The following C6orf136 variants were observed in gnomAD, a reference collection of about 807,000 sequenced individuals.
C6orf136 encodes the protein uncharacterized protein C6orf136.
Under a neutral mutation model 44.0 loss-of-function variants are expected in C6orf136, and 29 were observed. The observed-to-expected ratio is 0.66, with a 90% CI of 0.49 to 0.90. The LOEUF (loss-of-function observed/expected upper bound fraction) is 0.90, where lower values mean the gene tolerates loss of function less well. Ranked by LOEUF, C6orf136 falls within the 40% of genes least tolerant of loss-of-function variation. The pLI is 0.00. For synonymous variants in C6orf136, 293 were observed against 278.6 expected (o/e 1.05, Z -0.52); for missense variants, 628 against 669.3 (o/e 0.94, Z 0.68).
Position 30,647,347 on chromosome 6 carries a change from G to A in C6orf136, c.116G>A (p.Arg39Lys), listed in dbSNP as rs2127564553. The A allele has an allele frequency of 1.3e-6, 2 of 1,553,468 alleles. No individual in the cohort carries two copies. The highest frequency in any genetic ancestry group is 2.4e-5 in the East Asian group (1 of 42,526). The part of the protein sequence containing the change: ...EEGGRRGGGE[R>K]PSSKPVRGAE... ...GGAGGGAGGAGAGGGGGCGGGGAGA[G>A]ACCCTCCTCAAAGCCGGTGCGTGGG... The change falls in exon 1 of 6, where the codon AGA becomes AAA. Residue 39 changes from arginine to lysine, a missense_variant. By Grantham distance (26) the Arg-to-Lys change is conservative. Around this residue, in one of 2 missense-constraint regions of C6orf136, gnomAD observed 497 missense variants for 469.2 expected, o/e 1.06. Transcript: ENST00000651131. The surrounding 1 kb of genome is among the most constrained non-coding windows in gnomAD (Gnocchi z 4.8).
rs1166453138 is a variant in C6orf136, at chr6:30,649,941, TGA to T, written c.1004_1005del (p.Arg335ThrfsTer27). 1 of 1,613,290 alleles carries T rather than the reference TGA, an allele frequency of 6.2e-7. No homozygotes were observed. Among genetic ancestry groups the T allele is most frequent in the African/African-American group, 1.3e-5 (1 of 74,892 alleles). On this transcript the variant is annotated frameshift_variant, in exon 2 of 6. Coordinates refer to ENST00000651131, the MANE Select transcript of C6orf136 (RefSeq NM_001161376.2). LOFTEE classifies it high-confidence loss of function. ...SMEEHLSVMY[E>X]RLRQELPKLF... is the part of the protein sequence containing the mutation. ...TGGAGGAACATCTGTCTGTCATGTA[TGA>T]GAGACTGAGACAAGAGGTAAGTCAG... is the stretch of plus-strand genomic sequence containing the variant.
Position 30,647,292 on chromosome 6 carries a change from G to C in C6orf136, c.61G>C (p.Ala21Pro), listed in dbSNP as rs746283081. ...RLGPCLRAYQ[A>P]RPQVSGGEEG... ...CGGCCCTTGCCTGCGCGCCTACCAG[G>C]CTCGACCCCAGGTGAGCGGAGGAGA... is the stretch of plus-strand genomic sequence containing the variant. Residue 21 changes from alanine (A) to proline (P), a missense_variant, in exon 1 of 6, where the codon GCT (alanine) becomes CCT (proline). Coordinates refer to ENST00000651131, the MANE Select transcript of C6orf136 (RefSeq NM_001161376.2). The surrounding 1 kb of genome is among the most constrained non-coding windows in gnomAD (Gnocchi z 4.8). The C allele has an allele frequency of 1.2e-6, 2 of 1,600,540 alleles. No individual in the cohort carries two copies. The highest frequency in any genetic ancestry group is 3.4e-5 in the Admixed American group (2 of 58,548).
Position 30,647,915 on chromosome 6 carries a change from G to C in C6orf136, c.615+69G>C, listed in dbSNP as rs996518292. On this transcript the variant is annotated intron_variant, in intron 1 of 5. Transcript: ENST00000651131. This position sits in a 1 kb window ranked among gnomAD's most constrained non-coding sequence, Gnocchi z 4.8. ...CCTGGGGGGTTCCTTGGGAGCGGAGGGACTCGGGTGAGGCCTAACTTTGGG... is the reference window on the plus strand; with the variant it reads ...CCTGGGGGGTTCCTTGGGAGCGGAGCGACTCGGGTGAGGCCTAACTTTGGG... The C allele has an allele frequency of 5.6e-6, 8 of 1,423,816 alleles. No homozygotes were observed. Among genetic ancestry groups the C allele is most frequent in the African/African-American group, 2.9e-5 (2 of 68,312 alleles). The allele number at this position is 1,423,816 out of a possible 1,614,324, so 88.2% of individuals were successfully genotyped here. A position where few individuals can be genotyped will look rare whatever the true frequency, so the allele number is the denominator to read the frequency against.
rs746283081 is a variant in C6orf136 at position 30,647,292 on chromosome 6, G to A, written c.61G>A (p.Ala21Thr). ...CGGCCCTTGCCTGCGCGCCTACCAG[G>A]CTCGACCCCAGGTGAGCGGAGGAGA... Reference protein sequence around the residue: ...RLGPCLRAYQARPQVSGGEEG... With the variant: ...RLGPCLRAYQTRPQVSGGEEG... Residue 21 changes from alanine to threonine, a missense_variant, in exon 1 of 6, where the codon GCT (alanine) becomes ACT (threonine). Ala to Thr is a moderately conservative substitution (Grantham distance 58). Coordinates refer to ENST00000651131, the MANE Select transcript of C6orf136 (RefSeq NM_001161376.2). The surrounding 1 kb of genome is among the most constrained non-coding windows in gnomAD (Gnocchi z 4.8). 3 of 1,600,540 alleles carry A rather than the reference G, an allele frequency of 1.9e-6. No individual in the cohort carries two copies. The highest frequency in any genetic ancestry group is 2.3e-5 in the East Asian group (1 of 43,134).
At chr6:30,652,411 A>G (rs1767518507) in intron 4 of C6orf136, among the ~76,000 whole-genome samples, 1 of 152,206 alleles carries the variant, frequency 6.6e-6, no homozygotes, top group African/African-American at 2.4e-5. Flanking sequence ...AAGTTTTTAA[A>G]CCAGCAGTTC....
Position 30,647,739 on chromosome 6 carries a change from C to T in C6orf136, c.508C>T (p.Gln170Ter). The change falls in exon 1 of 6, where the codon CAG (glutamine) becomes TAG (stop). Residue 170 changes from glutamine (Q) to a stop codon, truncating the protein, a stop_gained. Coordinates refer to ENST00000651131, the MANE Select transcript of C6orf136 (RefSeq NM_001161376.2). LOFTEE classifies it high-confidence loss of function. The surrounding 1 kb of genome is among the most constrained non-coding windows in gnomAD (Gnocchi z 4.8). ...TCTTGCACTCGGAGAGCGGTCCTGGCAGGAAGGCCGGCCAGTGTGCACCCG... is the reference window on the plus strand; with the variant it reads ...TCTTGCACTCGGAGAGCGGTCCTGGTAGGAAGGCCGGCCAGTGTGCACCCG... ...ARLALGERSW[Q>*]EGRPVCTRFG... is the part of the protein sequence containing the mutation. 6.5e-7 allele frequency: 1 copy of T among 1,549,460 alleles called. No individual in the cohort carries two copies. Among genetic ancestry groups the T allele is most frequent in the Non-Finnish European group, 8.7e-7 (1 of 1,146,668 alleles).
Position 30,649,547 on chromosome 6 carries a change from T to C in C6orf136, c.616-11T>C. 1 of 1,573,984 alleles carries C rather than the reference T, an allele frequency of 6.4e-7. No homozygotes were observed. The highest frequency in any genetic ancestry group is 8.5e-7 in the Non-Finnish European group (1 of 1,169,740). The stretch of plus-strand genomic sequence containing the variant: ...ATTCTTATCTTTCTCCCTTCTGTTC[T>C]TTCTCCTTAGGACCAGCTTTATCCA... On this transcript the variant is annotated splice_polypyrimidine_tract_variant and intron_variant, in intron 1 of 5. Transcript: ENST00000651131.
In C6orf136 at chr6:30,647,264, T is replaced by C; in HGVS notation, c.33T>C (p.Arg11=). 6.3e-7 allele frequency: 1 copy of C among 1,599,066 alleles called. No homozygotes were observed. Residue 11 remains arginine (R), a synonymous_variant, in exon 1 of 6, where the codon CGT becomes CGC. Transcript: ENST00000651131. The surrounding 1 kb of genome is among the most constrained non-coding windows in gnomAD (Gnocchi z 4.8). ...AGCCCAGCCGGGGTGCGGCCCGGCG[T>C]CTCGGCCCTTGCCTGCGCGCCTACC... MYQPSRGAAR[R]LGPCLRAYQA...
rs760195205 is a variant in C6orf136 at position 30,652,912 on chromosome 6, C to T, written c.1488C>T (p.Pro496=). 5.6e-6 allele frequency: 9 copies of T among 1,612,284 alleles called. No individual in the cohort carries two copies. The highest frequency in any genetic ancestry group is 1.3e-5 in the African/African-American group (1 of 74,900). The change falls in exon 6 of 6, where the codon CCC becomes CCT. Residue 496 remains proline, a synonymous_variant. Transcript: ENST00000651131. ...CTGACTTAAACCTGTGTTCCAAGCC[C>T]TGATCCTTGACCTTGGAGTGGAGGC... is the stretch of plus-strand genomic sequence containing the variant. ...PEPDLNLCSK[P]
intron 4 of C6orf136, among the ~76,000 whole-genome samples, chr6:30,652,400 T>TAAG (rs1189766188): frequency 1.3e-5 from 2 of 152,174 alleles, no homozygotes; most frequent in African/African-American, 4.8e-5. Flanking sequence ...ACATTGGATA[T>TAAG]AAGTTTTTAA....
In C6orf136 at chr6:30,653,000, G is replaced by A; in HGVS notation, c.*85G>A. The A allele has an allele frequency of 7.7e-7, 1 of 1,294,130 alleles. No homozygotes were observed. Among genetic ancestry groups the A allele is most frequent in the Non-Finnish European group, 1.1e-6 (1 of 905,478 alleles). The allele number at this position is 1,294,130 out of a possible 1,614,324, so 80.2% of individuals were successfully genotyped here. On this transcript the variant is annotated 3_prime_UTR_variant, in exon 6 of 6. Transcript: ENST00000651131. ...AGGCAGCCAAGAATCTCAGGAGCCAGCTTCCTCTCCTCGTTTCTCTCCTTC... is the reference window on the plus strand; with the variant it reads ...AGGCAGCCAAGAATCTCAGGAGCCAACTTCCTCTCCTCGTTTCTCTCCTTC...
At chr6:30,651,211 G>C in intron 3 of C6orf136, 55 bp from the exon 4 acceptor site, 3 of 1,602,424 alleles carry the variant, frequency 1.9e-6, no homozygotes, top group Non-Finnish European at 2.6e-6. Flanking sequence ...TTAGAAGCCA[G>C]TTTGGTTTTC....
chr6:30,648,517 G>A (rs929174443), intron 1 of C6orf136, among the ~76,000 whole-genome samples: 59 of 150,868 alleles, frequency 3.9e-4, no homozygotes, highest in Non-Finnish European at 6.9e-4. Context: ...TCCTTCCTCA[G>A]CCTCCCGAGT....
At chr6:30,649,053 G>A (rs1292152021) in intron 1 of C6orf136, among the ~76,000 whole-genome samples, 2 of 150,474 alleles carry the variant, frequency 1.3e-5, no homozygotes, top group Non-Finnish European at 3.0e-5. Context: ...GGGAGGTGCC[G>A]GTATTTATGT....
chr6:30,653,102 A>AGAT lies in C6orf136; in HGVS notation c.*188_*190dup. The AGAT allele has an allele frequency of 8.7e-7, 1 of 1,146,776 alleles. No homozygotes were observed. 71.0% of individuals were successfully genotyped at this position (1,146,776 alleles called of 1,614,324 possible). On this transcript the variant is annotated 3_prime_UTR_variant, in exon 6 of 6. Coordinates refer to ENST00000651131, the MANE Select transcript of C6orf136 (RefSeq NM_001161376.2). Reference sequence around the variant, plus strand: ...ATAATAAAGTTTAACTGACTATATGAGATAGAATTTCACATATCACTTTCT... The same window carrying AGAT: ...ATAATAAAGTTTAACTGACTATATGAGATGATAGAATTTCACATATCACTTTCT...
At chr6:30,652,281 AC>A (rs1767504391) in intron 4 of C6orf136, among the ~76,000 whole-genome samples, 1 of 145,442 alleles carries the variant, frequency 6.9e-6, no homozygotes, top group African/African-American at 2.6e-5. Context: ...ACACACACAC[AC>A]AAAAGTACTG....
At chr6:30,649,460 G>A in intron 1 of C6orf136, 98 bp from the exon 2 acceptor site, 1 of 1,061,234 alleles carries the variant, frequency 9.4e-7, no homozygotes, top group South Asian at 1.7e-5. Context: ...CATTCTGTCA[G>A]GAGGAATAGG....
Position 30,651,445 on chromosome 6 carries a change from G to A in C6orf136, c.1286G>A (p.Arg429His), listed in dbSNP as rs144380927. 4.3e-6 allele frequency: 7 copies of A among 1,609,628 alleles called. No individual in the cohort carries two copies. Among genetic ancestry groups the A allele is most frequent in the African/African-American group, 2.7e-5 (2 of 74,852 alleles). ...TTGCTCTTTTTGCGGTTCTACAAGC[G>A]TGACAAAGACGAGCATTACCGGTAA... ...VHLLFLRFYK[R>H]DKDEHYRTYD... is the part of the protein sequence containing the mutation. Residue 429 changes from arginine (R) to histidine (H), a missense_variant, in exon 4 of 6, where the codon CGT (arginine) becomes CAT (histidine). This residue lies in a region of C6orf136 where 131 missense variants were observed against 200.1 expected (regional missense o/e 0.65). Transcript: ENST00000651131.
chr6:30,647,891 C>T lies in C6orf136; in HGVS notation c.615+45C>T, dbSNP rs999077186. 7.7e-6 allele frequency: 11 copies of T among 1,432,212 alleles called. No individual in the cohort carries two copies. In the African/African-American group the frequency reaches 1.5e-4, roughly 19 times the overall value. The allele number at this position is 1,432,212 out of a possible 1,614,324, so 88.7% of individuals were successfully genotyped here. On this transcript the variant is annotated intron_variant, in intron 1 of 5. Coordinates refer to ENST00000651131, the MANE Select transcript of C6orf136 (RefSeq NM_001161376.2). The surrounding 1 kb of genome is among the most constrained non-coding windows in gnomAD (Gnocchi z 4.8). The stretch of plus-strand genomic sequence containing the variant: ...GCCTTCCCTGCAGTGAGACGATCCC[C>T]TGGGGGGTTCCTTGGGAGCGGAGGG...
Sources: allele counts gnomAD v4.1 joint callset (sites outside exome capture counted in the v4.1 genomes callset), GRCh38; gene constraint gnomAD v4.1.1; regional missense constraint gnomAD v4.1.1; non-coding constraint Gnocchi (gnomAD v3.1); transcripts MANE v1.5; gene names NCBI Gene and HGNC (gene_info 2026-07-23, HGNC 2026-07-21).